The following AGBL4 variants were observed in gnomAD, a reference collection of about 807,000 sequenced individuals.
AGBL4 encodes AGBL carboxypeptidase 4.
Under a neutral mutation model 66.4 loss-of-function variants are expected in AGBL4, and 58 were observed. The ratio of observed to expected loss-of-function variants is 0.87; its 90% CI spans 0.71 to 1.09. The LOEUF is 1.09. Ranked by LOEUF, AGBL4 falls within the 50% of genes least tolerant of loss-of-function variation. The pLI is 0.00. For missense variants in AGBL4, 579 were observed against 631.0 expected, an observed-to-expected ratio of 0.92 and a Z score of 0.88; for synonymous variants, 234 against 222.9, an observed-to-expected ratio of 1.05 and a Z score of -0.44.
chr1:49,779,397 C>T (rs964811643), intron 2 of AGBL4, among the ~76,000 whole-genome samples: 16 of 152,102 alleles, frequency 1.1e-4, no homozygotes, highest in African/African-American at 3.6e-4. Context: ...TACTGGAGAA[C>T]ACCAACGGTA....
At position 49,730,509 on chromosome 1, in the gene AGBL4, C is replaced by A. The variant is rs181202535; in HGVS notation, c.158-33072G>T. On this transcript the variant is annotated intron_variant, in intron 2 of 13. Transcript: ENST00000371839. ...GAATGAGAGACAGAACTATGGCATT[C>A]CCTGGGGGCTCAGACCTTGGGACTC... is the stretch of plus-strand genomic sequence containing the variant. 1.2e-4 allele frequency among the ~76,000 whole-genome samples: 19 copies of A among 152,216 alleles called. No homozygotes were observed. The East Asian group carries it at 1.9e-3, about 16-fold the overall frequency.
chr1:48,552,353 C>T (rs1372649285), intron 11 of AGBL4, among the ~76,000 whole-genome samples: 3 of 152,208 alleles, frequency 2.0e-5, no homozygotes, highest in East Asian at 1.9e-4. Flanking sequence ...TGAGCCACTG[C>T]ACCCAGCCTC....
At chr1:48,794,390 C>G (rs930688073) in intron 6 of AGBL4, among the ~76,000 whole-genome samples, 1 of 152,142 alleles carries the variant, frequency 6.6e-6, no homozygotes, top group East Asian at 1.9e-4. Flanking sequence ...CCTCACTCAT[C>G]CCTGCCTCTC....
At chr1:48,597,513 T>C (rs1238108412) in intron 9 of AGBL4, among the ~76,000 whole-genome samples, 3 of 151,944 alleles carry the variant, frequency 2.0e-5, no homozygotes, top group African/African-American at 7.3e-5. Context: ...CCTCTGACAT[T>C]TGAATTAAGC....
At chr1:50,001,880 A>G (rs1028342524) in intron 1 of AGBL4, among the ~76,000 whole-genome samples, 7 of 152,206 alleles carry the variant, frequency 4.6e-5, no homozygotes, top group Non-Finnish European at 1.0e-4. Context: ...AATATATCTG[A>G]TAGCTTGATC....
chr1:49,301,131 G>C (rs772314573), intron 3 of AGBL4, among the ~76,000 whole-genome samples: 8 of 152,200 alleles, frequency 5.3e-5, no homozygotes, highest in Non-Finnish European at 8.8e-5. Flanking sequence ...GGTATGCATT[G>C]TGAAGCAGGC....
chr1:48,705,848 T>G (rs1570307326), intron 6 of AGBL4, among the ~76,000 whole-genome samples: 2 of 103,840 alleles, frequency 1.9e-5, no homozygotes, highest in Non-Finnish European at 5.4e-5. Context: ...AAATTTATAT[T>G]GAAGATTGAA....
intron 5 of AGBL4, among the ~76,000 whole-genome samples, chr1:49,029,456 A>G (rs908266778): frequency 2.6e-5 from 4 of 152,184 alleles, no homozygotes; most frequent in African/African-American, 9.6e-5. Flanking sequence ...AGGATAAAAT[A>G]TGTAGAAATG....
intron 2 of AGBL4, among the ~76,000 whole-genome samples, chr1:49,727,844 A>C (rs2124703891): frequency 6.6e-6 from 1 of 152,290 alleles, no homozygotes; most frequent in South Asian, 2.1e-4. Flanking sequence ...AGGTTTACTA[A>C]GTGGATTAAA....
chr1:48,870,788 T>C (rs143244914), intron 5 of AGBL4, among the ~76,000 whole-genome samples: 3 of 152,198 alleles, frequency 2.0e-5, no homozygotes, highest in Non-Finnish European at 4.4e-5. Flanking sequence ...CACTGACATA[T>C]GTGTGCACCA....
intron 3 of AGBL4, among the ~76,000 whole-genome samples, chr1:49,323,737 C>T (rs1645174285): frequency 1.3e-5 from 2 of 151,150 alleles, no homozygotes; most frequent in Admixed American, 6.6e-5. Context: ...CCACTGCACT[C>T]CAGCCTGGGT....
intron 11 of AGBL4, among the ~76,000 whole-genome samples, chr1:48,563,418 C>T (rs1295913028): frequency 1.3e-5 from 2 of 151,748 alleles, no homozygotes; most frequent in African/African-American, 2.4e-5. Context: ...TTTGTCTAAT[C>T]AGAACTGTGA....
chr1:49,564,105 T>G (rs553410957), intron 3 of AGBL4, among the ~76,000 whole-genome samples: 1 of 152,314 alleles, frequency 6.6e-6, no homozygotes, highest in African/African-American at 2.4e-5. Flanking sequence ...GTAGAGGTGT[T>G]TATAGTATTC....
At chr1:49,265,570 G>A (rs900989569) in intron 3 of AGBL4, among the ~76,000 whole-genome samples, 3 of 152,088 alleles carry the variant, frequency 2.0e-5, no homozygotes, top group Non-Finnish European at 4.4e-5. Flanking sequence ...GGAGTTTCAA[G>A]CCTACTTCTT....
At chr1:49,928,886 T>C (rs1226307716) in intron 1 of AGBL4, among the ~76,000 whole-genome samples, 1 of 151,988 alleles carries the variant, frequency 6.6e-6, no homozygotes, top group East Asian at 1.9e-4. Context: ...CGCAGCACTA[T>C]TTGCAATAGC....
chr1:49,326,503 G>A (rs1645231010), intron 3 of AGBL4, among the ~76,000 whole-genome samples: 1 of 152,144 alleles, frequency 6.6e-6, no homozygotes, highest in Non-Finnish European at 1.5e-5. Flanking sequence ...ATTATCCAGG[G>A]ATAGTATAAA....
intron 1 of AGBL4, among the ~76,000 whole-genome samples, chr1:49,985,627 C>G (rs571482001): frequency 6.6e-6 from 1 of 152,126 alleles, no homozygotes; most frequent in African/African-American, 2.4e-5. Context: ...TACACACGGG[C>G]CTTTCAGCAC....
chr1:48,784,640 G>A (rs1161581299), intron 6 of AGBL4, among the ~76,000 whole-genome samples: 1 of 152,144 alleles, frequency 6.6e-6, no homozygotes, highest in Admixed American at 6.6e-5. Flanking sequence ...AAGTGTAGAA[G>A]CGTTTACAGC....
chr1:49,967,961 C>T (rs1028289780), intron 1 of AGBL4, among the ~76,000 whole-genome samples: 7 of 152,066 alleles, frequency 4.6e-5, no homozygotes, highest in African/African-American at 1.2e-4. Context: ...TGGTGGCTCA[C>T]GCCTATAATT....
Sources: gnomAD v4.1 joint callset for allele counts (sites outside exome capture counted in the v4.1 genomes callset) on GRCh38, gnomAD v4.1.1 for gene constraint, MANE v1.5 for transcripts, NCBI Gene and HGNC (gene_info 2026-07-23, HGNC 2026-07-21) for gene names.